Variants in MACROD2 observed in about 807,000 individuals in gnomAD.
The protein encoded by MACROD2 is mono-ADP ribosylhydrolase 2.
A neutral mutation model predicts 70.4 loss-of-function variants in MACROD2; 36 were observed. The ratio of observed to expected loss-of-function variants is 0.51; its 90% confidence interval spans 0.39 to 0.68. The LOEUF (loss-of-function observed/expected upper bound fraction) is 0.68, where lower values mean the gene tolerates loss of function less well. Among genes scored for constraint, MACROD2 ranks in the 30% least tolerant of loss-of-function variants. MACROD2 has a pLI of 0.00. For synonymous variants in MACROD2, 172 were observed against 178.8 expected (o/e 0.96, Z 0.30); for missense variants, 496 against 538.4 (o/e 0.92, Z 0.78).
At position 14,241,591 on chromosome 20, in the gene MACROD2, C is replaced by T. The variant is rs150602291; in HGVS notation, c.271+155863C>T. ...ATGTAAAACATTGTAACCATGGCCA[C>T]CACCTTTAGTAAAGGTACATGGTGA... On this transcript the variant is annotated intron_variant, in intron 3 of 17. Transcript: ENST00000684519. 3.3e-4 allele frequency among the ~76,000 whole-genome samples: 50 copies of T among 152,022 alleles called. No homozygotes were observed. In the East Asian group the frequency reaches 8.3e-3, roughly 25 times the overall value.
chr20:14,461,146 A>T (rs1007153456), intron 3 of MACROD2, among the ~76,000 whole-genome samples: 1 of 152,016 alleles, frequency 6.6e-6, no homozygotes, highest in Non-Finnish European at 1.5e-5. Context: ...TTCCTGGTTT[A>T]GTCTTGGGAG....
chr20:15,799,979 G>A (rs1308682244), intron 8 of MACROD2, among the ~76,000 whole-genome samples: 2 of 151,434 alleles, frequency 1.3e-5, no homozygotes, highest in African/African-American at 2.4e-5. Context: ...TAATAGCTAC[G>A]CTGATTGGAG....
At chr20:14,196,150 C>T (rs1347332738) in intron 3 of MACROD2, among the ~76,000 whole-genome samples, 1 of 152,140 alleles carries the variant, frequency 6.6e-6, no homozygotes, top group Non-Finnish European at 1.5e-5. Context: ...CATCACACTG[C>T]CCTGTGAGGG....
chr20:15,065,672 GAGAA>G (rs1601020697), intron 5 of MACROD2, among the ~76,000 whole-genome samples: 1 of 145,982 alleles, frequency 6.9e-6, no homozygotes, highest in South Asian at 2.2e-4. Context: ...AAAAAAAAAA[GAGAA>G]AGTAATTTAC....
chr20:14,336,792 C>T (rs1380702774), intron 3 of MACROD2, among the ~76,000 whole-genome samples: 2 of 152,170 alleles, frequency 1.3e-5, no homozygotes, highest in Admixed American at 6.5e-5. Context: ...TCCCCCTCCT[C>T]TGAGTTCAAT....
intron 3 of MACROD2, among the ~76,000 whole-genome samples, chr20:14,128,967 C>A (rs2054685850): frequency 6.6e-6 from 1 of 152,134 alleles, no homozygotes; most frequent in African/African-American, 2.4e-5. Flanking sequence ...AACTAGTTAC[C>A]CAAAAATTCT....
In MACROD2 at chr20:14,250,164, GAA is replaced by G. The variant is rs11477674; in HGVS notation, c.271+164446_271+164447del. On this transcript the variant is annotated intron_variant, in intron 3 of 17. Coordinates refer to ENST00000684519, the MANE Select transcript of MACROD2 (RefSeq NM_001351661.2). ...GACTATACGTAGGTGGCTTCATTCT[GAA>G]AAAAAAAAATAACTGATTTGGACCT... is the stretch of plus-strand genomic sequence containing the variant. Among the ~76,000 whole-genome samples, 7 of 150,560 alleles carry G rather than the reference GAA, an allele frequency of 4.6e-5. No homozygotes were observed. The Middle Eastern group carries it at 0.01, about 221-fold the overall frequency.
chr20:16,033,862 T>TG (rs1196010191), intron 15 of MACROD2, among the ~76,000 whole-genome samples: 2 of 145,264 alleles, frequency 1.4e-5, no homozygotes, highest in Non-Finnish European at 3.0e-5. Flanking sequence ...GGGGGTGGGG[T>TG]GGGGGAGAAA....
At chr20:15,204,747 C>T (rs1342958886) in intron 5 of MACROD2, among the ~76,000 whole-genome samples, 2 of 152,024 alleles carry the variant, frequency 1.3e-5, no homozygotes, top group African/African-American at 4.8e-5. Context: ...AGTTGGAAAA[C>T]ATTTGTTAGG....
At chr20:15,566,916 C>G (rs1233748) in intron 8 of MACROD2, among the ~76,000 whole-genome samples, 30,175 of 152,098 alleles carry the variant, frequency 0.2, 3,149 homozygotes, top group Middle Eastern at 0.32. Context: ...ATCAGCAAAA[C>G]TAACTATACC....
At chr20:15,737,209 A>G (rs1272656453) in intron 8 of MACROD2, among the ~76,000 whole-genome samples, 1 of 152,198 alleles carries the variant, frequency 6.6e-6, no homozygotes, top group African/African-American at 2.4e-5. Flanking sequence ...GTGCTTTTAG[A>G]TGTGTTCAAT....
intron 5 of MACROD2, among the ~76,000 whole-genome samples, chr20:14,959,162 G>A (rs530444593): frequency 6.6e-6 from 1 of 152,124 alleles, no homozygotes; most frequent in African/African-American, 2.4e-5. Flanking sequence ...ACGGAGTTTC[G>A]CTCTTGTTGC....
At chr20:15,248,739 A>T (rs1483718581) in intron 6 of MACROD2, among the ~76,000 whole-genome samples, 1 of 152,146 alleles carries the variant, frequency 6.6e-6, no homozygotes, top group Admixed American at 6.5e-5. Context: ...CATGAGTCTT[A>T]TGCAGTCAGA....
At chr20:14,179,251 A>T (rs1451189668) in intron 3 of MACROD2, among the ~76,000 whole-genome samples, 1 of 152,176 alleles carries the variant, frequency 6.6e-6, no homozygotes, top group African/African-American at 2.4e-5. Flanking sequence ...CAGTCATTAG[A>T]TTATCAACTG....
intron 4 of MACROD2, among the ~76,000 whole-genome samples, chr20:14,633,574 A>G (rs1984629280): frequency 8.8e-6 from 1 of 113,286 alleles, no homozygotes; most frequent in Non-Finnish European, 1.9e-5. Context: ...AATAAACTTA[A>G]AAAAACCAAA....
chr20:14,703,243 G>A (rs1170723309), intron 5 of MACROD2, among the ~76,000 whole-genome samples: 9 of 152,144 alleles, frequency 5.9e-5, no homozygotes, highest in Middle Eastern at 3.4e-3. Flanking sequence ...CTCCTGGATC[G>A]GGATTGCTGG....
chr20:15,894,794 T>C (rs897608786), intron 10 of MACROD2, among the ~76,000 whole-genome samples: 2 of 152,166 alleles, frequency 1.3e-5, no homozygotes, highest in African/African-American at 4.8e-5. Flanking sequence ...TGCTTGAAAG[T>C]TTAAAATCGT....
chr20:14,679,973 A>G (rs2070911830), intron 4 of MACROD2, among the ~76,000 whole-genome samples: 1 of 152,234 alleles, frequency 6.6e-6, no homozygotes, highest in Non-Finnish European at 1.5e-5. Context: ...TATTTGTGAC[A>G]TAAGGAACCA....
rs1453315639 is a variant in MACROD2, at chr20:16,044,739, C to T, written c.1300+100C>T. ...TTCCCTTGGTTTTGCCAAGTCCCCA[C>T]AGCATGGCTTGGGATAAACCTTGAA... On this transcript the variant is annotated intron_variant, in intron 17 of 17. Transcript: ENST00000684519. 4 of 1,047,692 alleles carry T rather than the reference C, an allele frequency of 3.8e-6. No homozygotes were observed. The African/African-American group carries it at 6.4e-5, about 17-fold the overall frequency. The allele number at this position is 1,047,692 out of a possible 1,614,324, so 64.9% of individuals were successfully genotyped here. A position where few individuals can be genotyped will look rare whatever the true frequency, so the allele number is the denominator to read the frequency against.
Sources: allele counts gnomAD v4.1 joint callset (sites outside exome capture counted in the v4.1 genomes callset), GRCh38; gene constraint gnomAD v4.1.1; transcripts MANE v1.5; gene names NCBI Gene and HGNC (gene_info 2026-07-23, HGNC 2026-07-21).